The following RAD54L variants were observed in gnomAD, a reference collection of about 807,000 sequenced individuals.
RAD54L encodes the protein DNA repair and recombination protein RAD54-like.
A neutral mutation model predicts 91.6 loss-of-function variants in RAD54L; 74 were observed. The observed-to-expected ratio is 0.81, with a 90% CI of 0.67 to 0.98. The LOEUF is 0.98. Ranked by LOEUF, RAD54L falls within the 50% of genes least tolerant of loss-of-function variation. The pLI is 0.00. For synonymous variants in RAD54L, 304 were observed against 349.7 expected (o/e 0.87, Z 1.46); for missense variants, 887 against 945.7 (o/e 0.94, Z 0.81).
chr1:46,248,150 A>C lies in RAD54L; in HGVS notation c.-256A>C. 3.3e-6 allele frequency: 2 copies of C among 600,038 alleles called. No homozygotes were observed. Among genetic ancestry groups the C allele is most frequent in the South Asian group, 3.7e-5 (2 of 54,276 alleles). The allele number at this position is 600,038 out of a possible 1,614,324, so 37.2% of individuals were successfully genotyped here. On this transcript the variant is annotated 5_prime_UTR_variant, in exon 1 of 18. Transcript: ENST00000371975. Reference sequence around the variant, plus strand: ...CTGCCTCCTCCCCAATCCCACACTAATCTCTGCTTGGTCTCTTCCTCTTTG... The same window carrying C: ...CTGCCTCCTCCCCAATCCCACACTACTCTCTGCTTGGTCTCTTCCTCTTTG...
In RAD54L at chr1:46,272,105, C is replaced by T. The variant is rs937150555; in HGVS notation, c.1170-361C>T. Among the ~76,000 whole-genome samples, 5 of 123,078 alleles carry T rather than the reference C, an allele frequency of 4.1e-5. No individual in the cohort carries two copies. In the Admixed American group the frequency reaches 5.5e-4, roughly 14 times the overall value. 80.7% of individuals were successfully genotyped at this position (123,078 alleles called of 152,430 possible). On this transcript the variant is annotated intron_variant, in intron 10 of 17. Coordinates refer to ENST00000371975, the MANE Select transcript of RAD54L (RefSeq NM_003579.4). ...TTGCCCAAGCTGGAATGCAATGGGG[C>T]GATCTCGGCTCACTGCAACCTCCAC...
At position 46,272,763 on chromosome 1, in the gene RAD54L, T is replaced by A; in HGVS notation, c.1336T>A (p.Ser446Thr). 1 of 1,614,212 alleles carries A rather than the reference T, an allele frequency of 6.2e-7. No homozygotes were observed. Among genetic ancestry groups the A allele is most frequent in the East Asian group, 2.2e-5 (1 of 44,882 alleles). The change falls in exon 12 of 18, where the codon TCC becomes ACC. Residue 446 changes from serine to threonine, a missense_variant. Ser to Thr is a moderately conservative substitution (Grantham distance 58). Transcript: ENST00000371975. ...GCTTGAGGGCAAGATGAGTGTGTCT[T>A]CCCTTTCTTCCATCACCTCGCTAAA... The part of the protein sequence containing the change: ...ELLEGKMSVS[S>T]LSSITSLKKL...
Position 46,264,549 on chromosome 1 carries a change from A to T in RAD54L, c.892-2910A>T, listed in dbSNP as rs7549281. On this transcript the variant is annotated intron_variant, in intron 8 of 17. Coordinates refer to ENST00000371975, the MANE Select transcript of RAD54L (RefSeq NM_003579.4). Reference sequence around the variant, plus strand: ...TCTGAGATTGTTTCTTCATCTGTAGAGTGGATGGCACATGGGCTACTTGAA... The same window carrying T: ...TCTGAGATTGTTTCTTCATCTGTAGTGTGGATGGCACATGGGCTACTTGAA... Among the ~76,000 whole-genome samples the T allele has an allele frequency of 8.2e-3, 1,249 of 152,356 alleles. 19 individuals carry two copies. The highest frequency in any genetic ancestry group is 0.037 in the Middle Eastern group (11 of 294).
intron 8 of RAD54L, among the ~76,000 whole-genome samples, chr1:46,262,971 A>G (rs1267200982): frequency 2.0e-5 from 3 of 152,022 alleles, no homozygotes. Context: ...TGGGGTGATA[A>G]TATCTGCCTC....
chr1:46,278,176 G>T lies in RAD54L; in HGVS notation c.2138G>T (p.Trp713Leu), dbSNP rs773031247. 7.6e-5 allele frequency: 123 copies of T among 1,613,646 alleles called. No homozygotes were observed. Among genetic ancestry groups the T allele is most frequent in the Non-Finnish European group, 1.0e-4 (118 of 1,179,898 alleles). Reference sequence around the variant, plus strand: ...GGGTGGAACCACTGCACTGATAAGTGGGGGCTCCGGGATGAGGTACTCCAG... The same window carrying T: ...GGGTGGAACCACTGCACTGATAAGTTGGGGCTCCGGGATGAGGTACTCCAG... ...LAGWNHCTDKWGLRDEVLQAA... is the reference protein window; with the variant it reads ...LAGWNHCTDKLGLRDEVLQAA... Residue 713 changes from tryptophan to leucine, a missense_variant, in exon 18 of 18, where the codon TGG becomes TTG. Trp to Leu is a moderately conservative substitution (Grantham distance 61). Coordinates refer to ENST00000371975, the MANE Select transcript of RAD54L (RefSeq NM_003579.4).
chr1:46,259,874 G>T, intron 4 of RAD54L, 90 bp from the exon 5 acceptor site: 2 of 1,571,822 alleles, frequency 1.3e-6, no homozygotes, highest in South Asian at 2.2e-5. Flanking sequence ...GGGAGCTCGG[G>T]AAAGGTTATG....
In RAD54L at chr1:46,260,952, G is replaced by A. The variant is rs1254278018; in HGVS notation, c.703G>A (p.Gly235Arg). 3.1e-6 allele frequency: 5 copies of A among 1,614,182 alleles called. No individual in the cohort carries two copies. Among genetic ancestry groups the A allele is most frequent in the East Asian group, 2.2e-5 (1 of 44,888 alleles). The change falls in exon 7 of 18, where the codon GGA becomes AGA. Residue 235 changes from glycine to arginine, a missense_variant. Transcript: ENST00000371975. ...GTACAATGAGGTTGGGAAATGGCTC[G>A]GAGGGAGGATCCAACCTCTGGCCAT... Reference protein sequence around the residue: ...NWYNEVGKWLGGRIQPLAIDG... With the variant: ...NWYNEVGKWLRGRIQPLAIDG...
At chr1:46,272,640 G>C (rs2148300379) in intron 11 of RAD54L, 32 bp from the exon 12 acceptor site, 3 of 1,614,164 alleles carry the variant, frequency 1.9e-6, no homozygotes, top group Non-Finnish European at 2.5e-6. Context: ...GGGTGGTCTA[G>C]CTTTTTCCAC....
chr1:46,261,842 G>A (rs1660137249), intron 8 of RAD54L, among the ~76,000 whole-genome samples: 1 of 152,170 alleles, frequency 6.6e-6, no homozygotes, highest in Non-Finnish European at 1.5e-5. Context: ...AATATTTAAA[G>A]GGGGGCTGGC....
Position 46,248,589 on chromosome 1 carries a change from T to C in RAD54L, c.81T>C (p.Pro27=). 1.2e-6 allele frequency: 2 copies of C among 1,614,096 alleles called. No homozygotes were observed. The highest frequency in any genetic ancestry group is 1.7e-6 in the Non-Finnish European group (2 of 1,180,004). Residue 27 remains proline (P), a synonymous_variant, in exon 2 of 18, where the codon CCT becomes CCC. Coordinates refer to ENST00000371975, the MANE Select transcript of RAD54L (RefSeq NM_003579.4). ...GRSCDDEDWQ[P]GLVTPRKRKS... Reference sequence around the variant, plus strand: ...CCTGTGATGATGAAGACTGGCAACCTGGCCTAGTGGTGAGCACTCAAGGGG... The same window carrying C: ...CCTGTGATGATGAAGACTGGCAACCCGGCCTAGTGGTGAGCACTCAAGGGG...
Position 46,247,885 on chromosome 1 carries a change from C to T in RAD54L, c.-521C>T, listed in dbSNP as rs1659688183. ...CTAACCTGGGTTTTTTACACGCCCGCGTGGCTTCCTGCTCGACCTCCCTGA... is the reference window on the plus strand; with the variant it reads ...CTAACCTGGGTTTTTTACACGCCCGTGTGGCTTCCTGCTCGACCTCCCTGA... On this transcript the variant is annotated 5_prime_UTR_variant, in exon 1 of 18. Coordinates refer to ENST00000371975, the MANE Select transcript of RAD54L (RefSeq NM_003579.4). 4.4e-6 allele frequency: 1 copy of T among 228,936 alleles called. No individual in the cohort carries two copies. The highest frequency in any genetic ancestry group is 2.3e-5 in the African/African-American group (1 of 43,942). 14.2% of individuals were successfully genotyped at this position (228,936 alleles called of 1,614,324 possible). A position where few individuals can be genotyped will look rare whatever the true frequency, so the allele number is the denominator to read the frequency against.
At position 46,260,111 on chromosome 1, in the gene RAD54L, G is replaced by A; in HGVS notation, c.407+12G>A. 6.2e-7 allele frequency: 1 copy of A among 1,614,174 alleles called. No homozygotes were observed. The highest frequency in any genetic ancestry group is 1.1e-5 in the South Asian group (1 of 91,080). On this transcript the variant is annotated intron_variant, in intron 5 of 17. Coordinates refer to ENST00000371975, the MANE Select transcript of RAD54L (RefSeq NM_003579.4). ...CTGAAGCTTGACAAGTATGTGCACT[G>A]GTATTTCATAAGCAGTTTTGGTTCT...
chr1:46,273,679 C>A lies in RAD54L; in HGVS notation c.1542C>A (p.Asp514Glu), dbSNP rs1179872242. 4 of 1,613,872 alleles carry A rather than the reference C, an allele frequency of 2.5e-6. No homozygotes were observed. The highest frequency in any genetic ancestry group is 1.7e-6 in the Non-Finnish European group (2 of 1,179,998). ...CGGTGACCCGAAGCCGTAGCAGTGA[C>A]AAAGTAGTGCTGGTGTCGAATTACA... is the stretch of plus-strand genomic sequence containing the variant. ...ILAVTRSRSS[D>E]KVVLVSNYTQ... The change falls in exon 14 of 18, where the codon GAC becomes GAA. Residue 514 changes from aspartate (D) to glutamate (E), a missense_variant. Physicochemically the swap from Asp to Glu is conservative, Grantham distance 45. Transcript: ENST00000371975.
chr1:46,274,616 A>G lies in RAD54L; in HGVS notation c.1768A>G (p.Met590Val). 4.3e-6 allele frequency: 7 copies of G among 1,614,036 alleles called. No homozygotes were observed. Among genetic ancestry groups the G allele is most frequent in the Non-Finnish European group, 5.1e-6 (6 of 1,180,046 alleles). ...LNLIGANRLV[M>V]FDPDWNPAND... Reference sequence around the variant, plus strand: ...TCTCATTGGGGCTAACCGGCTGGTCATGTTTGACCCTGACTGGAACCCAGC... The same window carrying G: ...TCTCATTGGGGCTAACCGGCTGGTCGTGTTTGACCCTGACTGGAACCCAGC... The change falls in exon 16 of 18, where the codon ATG (methionine) becomes GTG (valine). Residue 590 changes from methionine (M) to valine (V), a missense_variant. By Grantham distance (21) the Met-to-Val change is conservative. Coordinates refer to ENST00000371975, the MANE Select transcript of RAD54L (RefSeq NM_003579.4).
intron 7 of RAD54L, 66 bp from the exon 8 acceptor site, chr1:46,261,195 G>GTTTT (rs1277499745): frequency 2.6e-6 from 4 of 1,555,080 alleles, no homozygotes; most frequent in African/African-American, 2.8e-5. Flanking sequence ...CTGTCTAATT[G>GTTTT]TTTTTTTTGT....
At chr1:46,258,896 T>C in intron 4 of RAD54L, 150 bp downstream of exon 4, 1 of 693,642 alleles carries the variant, frequency 1.4e-6, no homozygotes. Flanking sequence ...TCCTGAGGCC[T>C]GCATGAAAAC....
intron 16 of RAD54L, among the ~76,000 whole-genome samples, chr1:46,277,085 G>T (rs561929784): frequency 2.6e-5 from 4 of 152,258 alleles, no homozygotes; most frequent in Admixed American, 6.5e-5. Flanking sequence ...GTGAGCCACC[G>T]TGCCTGTCCC....
chr1:46,272,395 G>A lies in RAD54L; in HGVS notation c.1170-71G>A, dbSNP rs1660457054. ...GAGGGCTAGTCTTGGTCCTTTGGGT[G>A]GTAGCTTTTATTCCAGTAGTTAGCA... On this transcript the variant is annotated intron_variant, in intron 10 of 17. Coordinates refer to ENST00000371975, the MANE Select transcript of RAD54L (RefSeq NM_003579.4). 8 of 1,320,458 alleles carry A rather than the reference G, an allele frequency of 6.1e-6. No individual in the cohort carries two copies. The Admixed American group carries it at 6.8e-5, about 11-fold the overall frequency. The allele number at this position is 1,320,458 out of a possible 1,614,324, so 81.8% of individuals were successfully genotyped here.
At chr1:46,266,567 A>G (rs1660271245) in intron 8 of RAD54L, among the ~76,000 whole-genome samples, 1 of 152,234 alleles carries the variant, frequency 6.6e-6, no homozygotes, top group African/African-American at 2.4e-5. Flanking sequence ...ATGGGAGGAC[A>G]GGACAGGGAG....
Sources: gnomAD v4.1 joint callset for allele counts (sites outside exome capture counted in the v4.1 genomes callset) on GRCh38, gnomAD v4.1.1 for gene constraint, MANE v1.5 for transcripts, NCBI Gene and HGNC (gene_info 2026-07-23, HGNC 2026-07-21) for gene names.